The following PRIMPOL variants were observed in gnomAD, a reference collection of about 807,000 sequenced individuals.
The protein encoded by PRIMPOL is DNA-directed primase/polymerase protein.
A neutral mutation model predicts 63.6 loss-of-function variants in PRIMPOL; 54 were observed. The observed-to-expected ratio is 0.85, with a 90% CI of 0.68 to 1.07. The LOEUF is 1.07. Ranked by LOEUF, PRIMPOL falls within the 50% of genes least tolerant of loss-of-function variation. The probability of loss-of-function intolerance (pLI) is 0.00; values close to 1 mark genes in which losing one functional copy is unlikely to be tolerated. For missense variants in PRIMPOL, 610 were observed against 648.3 expected (o/e 0.94, Z 0.64); for synonymous variants, 197 against 220.2 (o/e 0.89, Z 0.93).
rs562622704 is a variant in PRIMPOL at position 184,679,798 on chromosome 4, G to T, written c.1007+1404G>T. On this transcript the variant is annotated intron_variant, in intron 8 of 13. Transcript: ENST00000314970. Reference sequence around the variant, plus strand: ...AAATCCTGCTGTGAACAGCACATGGGAGGGATCTAGGTTGCACACTCCTTA... The same window carrying T: ...AAATCCTGCTGTGAACAGCACATGGTAGGGATCTAGGTTGCACACTCCTTA... 2.6e-5 allele frequency among the ~76,000 whole-genome samples: 4 copies of T among 152,252 alleles called. No homozygotes were observed. The South Asian group carries it at 6.2e-4, about 24-fold the overall frequency.
In PRIMPOL at chr4:184,694,588, C is replaced by CCAT; in HGVS notation, c.1495_1497dup (p.Ser499dup). On this transcript the variant is annotated inframe_insertion, in exon 14 of 14. Transcript: ENST00000314970. ...CAATGAAACCCAGAATCCTCATAAA[C>CCAT]CATCACCTAGCAGGCTGTCAACAGG... The CCAT allele has an allele frequency of 6.2e-7, 1 of 1,614,142 alleles. No individual in the cohort carries two copies. The highest frequency in any genetic ancestry group is 8.5e-7 in the Non-Finnish European group (1 of 1,179,982).
intron 13 of PRIMPOL, 184 bp from the exon 14 acceptor site, chr4:184,694,338 A>G (rs1759943756): frequency 1.4e-6 from 2 of 1,380,466 alleles, no homozygotes; most frequent in Admixed American, 3.0e-5. Context: ...GCTTCAGTGC[A>G]GCAACGTTTG....
intron 11 of PRIMPOL, among the ~76,000 whole-genome samples, chr4:184,686,423 T>C (rs1488447039): frequency 1.3e-5 from 2 of 152,152 alleles, no homozygotes; most frequent in Non-Finnish European, 2.9e-5. Flanking sequence ...GGAGCTAGGA[T>C]TGTGTTAACT....
At chr4:184,655,742 GCA>G (rs1199370099) in intron 2 of PRIMPOL, among the ~76,000 whole-genome samples, 1 of 152,144 alleles carries the variant, frequency 6.6e-6, no homozygotes, top group African/African-American at 2.4e-5. Flanking sequence ...AACTCAATAA[GCA>G]CAAATGTGTT....
At chr4:184,689,728 A>C (rs1757987017) in intron 11 of PRIMPOL, among the ~76,000 whole-genome samples, 1 of 152,058 alleles carries the variant, frequency 6.6e-6, no homozygotes, top group East Asian at 1.9e-4. Context: ...TGCTGGGATT[A>C]CAGGCGCGAG....
intron 11 of PRIMPOL, among the ~76,000 whole-genome samples, chr4:184,689,749 C>CT (rs1561089666): frequency 1.3e-5 from 2 of 151,660 alleles, no homozygotes. Flanking sequence ...CCACCATGCC[C>CT]GGCCTGATGT....
intron 1 of PRIMPOL, among the ~76,000 whole-genome samples, chr4:184,651,290 C>CAAAAAAAAAAA (rs1203681677): frequency 2.1e-5 from 3 of 144,018 alleles, no homozygotes; most frequent in African/African-American, 8.5e-5. Flanking sequence ...GACTCTGTCT[C>CAAAAAAAAAAA]AAAAAAAAGA....
chr4:184,672,484 C>T, intron 7 of PRIMPOL, 24 bp downstream of exon 7: 1 of 1,577,878 alleles, frequency 6.3e-7, no homozygotes. Flanking sequence ...ACAGCTTTCT[C>T]CATCAGACCG....
chr4:184,688,140 C>T (rs1361789877), intron 11 of PRIMPOL, among the ~76,000 whole-genome samples: 1 of 152,140 alleles, frequency 6.6e-6, no homozygotes, highest in African/African-American at 2.4e-5. Flanking sequence ...AGGTGGGAAC[C>T]GTGTTGTACA....
intron 2 of PRIMPOL, among the ~76,000 whole-genome samples, chr4:184,652,526 G>GA (rs1433239315): frequency 6.6e-6 from 1 of 151,992 alleles, no homozygotes; most frequent in South Asian, 2.1e-4. Flanking sequence ...TGAAGTGGGA[G>GA]AAAAAAGGAA....
chr4:184,673,067 C>T (rs1752250504), intron 7 of PRIMPOL, among the ~76,000 whole-genome samples: 1 of 152,054 alleles, frequency 6.6e-6, no homozygotes, highest in Non-Finnish European at 1.5e-5. Flanking sequence ...TGAACTGCAC[C>T]TCATTTTTAT....
intron 11 of PRIMPOL, among the ~76,000 whole-genome samples, chr4:184,688,656 C>T (rs998784827): frequency 6.6e-6 from 1 of 152,236 alleles, no homozygotes; most frequent in Non-Finnish European, 1.5e-5. Flanking sequence ...TGTGAATCAC[C>T]TGCATTTTAC....
At chr4:184,677,565 A>G (rs1005300876) in intron 7 of PRIMPOL, among the ~76,000 whole-genome samples, 1 of 152,228 alleles carries the variant, frequency 6.6e-6, no homozygotes, top group Non-Finnish European at 1.5e-5. Flanking sequence ...AAGTCTTTAT[A>G]TCTAGGAAAA....
chr4:184,675,038 A>G (rs1435859256), intron 7 of PRIMPOL, among the ~76,000 whole-genome samples: 1 of 152,224 alleles, frequency 6.6e-6, no homozygotes, highest in Non-Finnish European at 1.5e-5. Flanking sequence ...ATATGTGAGA[A>G]CTGCAAGGAA....
At chr4:184,664,663 G>C (rs1749329196) in intron 5 of PRIMPOL, among the ~76,000 whole-genome samples, 1 of 152,192 alleles carries the variant, frequency 6.6e-6, no homozygotes, top group South Asian at 2.1e-4. Context: ...CGTCCCATTG[G>C]CCAGACTTAG....
intron 9 of PRIMPOL, among the ~76,000 whole-genome samples, chr4:184,683,645 C>T (rs1042122214): frequency 1.3e-5 from 2 of 152,124 alleles, no homozygotes; most frequent in African/African-American, 2.4e-5. Flanking sequence ...CTTCCTCAGT[C>T]TTTTAATGGT....
rs1393622516 is a variant in PRIMPOL, at chr4:184,690,410, TTC to T, written c.1296-1087_1296-1086del. On this transcript the variant is annotated intron_variant, in intron 11 of 13. Transcript: ENST00000314970. The stretch of plus-strand genomic sequence containing the variant: ...TTTCTTCAAATGTAGGCCTCGTTGA[TTC>T]TTTTTACTTTTGTCTCTTTATGACT... Among the ~76,000 whole-genome samples the T allele has an allele frequency of 5.3e-5, 8 of 152,196 alleles. No homozygotes were observed. In the East Asian group the frequency reaches 1.5e-3, roughly 29 times the overall value.
At chr4:184,688,382 A>G (rs967595385) in intron 11 of PRIMPOL, among the ~76,000 whole-genome samples, 10 of 152,242 alleles carry the variant, frequency 6.6e-5, no homozygotes, top group African/African-American at 2.4e-4. Context: ...GTAAAACAAT[A>G]TTGTAGTTTT....
At chr4:184,690,609 C>G (rs1758265349) in intron 11 of PRIMPOL, among the ~76,000 whole-genome samples, 1 of 151,938 alleles carries the variant, frequency 6.6e-6, no homozygotes, top group South Asian at 2.1e-4. Context: ...ACAGGTGCCC[C>G]CCACCACGCC....
Sources: allele counts gnomAD v4.1 joint callset (sites outside exome capture counted in the v4.1 genomes callset), GRCh38; gene constraint gnomAD v4.1.1; transcripts MANE v1.5; gene names NCBI Gene and HGNC (gene_info 2026-07-23, HGNC 2026-07-21).